Variants in SYT16 observed in about 807,000 individuals in gnomAD.
The protein encoded by SYT16 is synaptotagmin-16.
SYT16 carries 42 observed loss-of-function variants against 61.4 expected under a neutral mutation model. That is an observed-to-expected ratio of 0.68 (90% CI 0.53 to 0.89). The LOEUF (loss-of-function observed/expected upper bound fraction) is 0.89. Ranked by LOEUF, SYT16 falls within the 40% of genes least tolerant of loss-of-function variation. The pLI is 0.00. For synonymous variants in SYT16, 314 were observed against 302.3 expected (o/e 1.04, Z -0.40); for missense variants, 804 against 807.3 (o/e 1.00, Z 0.05).
chr14:62,100,749 C>A lies in SYT16; in HGVS notation c.*42C>A. The A allele has an allele frequency of 1.3e-6, 2 of 1,576,434 alleles. No individual in the cohort carries two copies. Among genetic ancestry groups the A allele is most frequent in the Non-Finnish European group, 1.7e-6 (2 of 1,161,556 alleles). On this transcript the variant is annotated 3_prime_UTR_variant, in exon 8 of 8. Coordinates refer to ENST00000683842, the MANE Select transcript of SYT16 (RefSeq NM_001367656.1). ...TTGTGTGCTGTGTCCACCTTGGTTA[C>A]CTGTGTTGCTGTCTACTGACACTAA...
chr14:61,868,032 CTTTTAGGTTGGG>C (rs1230460860), intron 1 of SYT16, among the ~76,000 whole-genome samples: 1 of 151,914 alleles, frequency 6.6e-6, no homozygotes, highest in African/African-American at 2.4e-5. Flanking sequence ...TGTATTACCT[CTTTTAGGTTGGG>C]TTTCTTTGGA....
chr14:62,075,093 A>T, intron 4 of SYT16, 42 bp from the exon 5 acceptor site: 1 of 1,554,306 alleles, frequency 6.4e-7, no homozygotes, highest in South Asian at 1.2e-5. Context: ...AAAAGGTGTT[A>T]AAAATAATGC....
intron 1 of SYT16, among the ~76,000 whole-genome samples, chr14:61,932,117 G>A (rs2049796124): frequency 6.6e-6 from 1 of 152,178 alleles, no homozygotes; most frequent in African/African-American, 2.4e-5. Flanking sequence ...ACTGGGCACT[G>A]TGGCCACCAG....
intron 3 of SYT16, among the ~76,000 whole-genome samples, chr14:62,061,690 G>C (rs1196802630): frequency 6.6e-6 from 1 of 152,110 alleles, no homozygotes; most frequent in Admixed American, 6.5e-5. Flanking sequence ...AATTCATCAA[G>C]AAGACACAAA....
chr14:61,902,354 G>C (rs761773887), intron 1 of SYT16, among the ~76,000 whole-genome samples: 2 of 152,174 alleles, frequency 1.3e-5, no homozygotes, highest in Non-Finnish European at 2.9e-5. Flanking sequence ...TAAAAGTCCT[G>C]ATTATATTCC....
chr14:61,951,178 C>G (rs891965203), intron 1 of SYT16, among the ~76,000 whole-genome samples: 3 of 152,164 alleles, frequency 2.0e-5, no homozygotes, highest in Non-Finnish European at 4.4e-5. Context: ...GAACTTATAT[C>G]TGTGGACAGG....
chr14:62,035,859 G>T (rs2054486226), intron 3 of SYT16, among the ~76,000 whole-genome samples: 1 of 152,160 alleles, frequency 6.6e-6, no homozygotes, highest in South Asian at 2.1e-4. Flanking sequence ...TTCCATGTTA[G>T]ATGCTCTTAG....
rs141697529 is a variant in SYT16, at chr14:62,099,951, T to G, written c.1625-443T>G. Among the ~76,000 whole-genome samples, 21 of 152,224 alleles carry G rather than the reference T, an allele frequency of 1.4e-4. 1 individual carries two copies. The South Asian group carries it at 4.4e-3, about 32-fold the overall frequency. ...ACACACATACACAGACATATGAATA[T>G]GTAGAGAGTGAGAAAAGAATTCTCC... is the stretch of plus-strand genomic sequence containing the variant. On this transcript the variant is annotated intron_variant, in intron 7 of 7. Coordinates refer to ENST00000683842, the MANE Select transcript of SYT16 (RefSeq NM_001367656.1).
At chr14:62,009,397 A>G (rs1056201713) in intron 3 of SYT16, among the ~76,000 whole-genome samples, 2 of 152,322 alleles carry the variant, frequency 1.3e-5, no homozygotes, top group African/African-American at 4.8e-5. Context: ...AACCAAGTTT[A>G]CAAGAGGAAA....
intron 3 of SYT16, among the ~76,000 whole-genome samples, chr14:62,048,190 C>T (rs543786001): frequency 3.3e-5 from 5 of 152,266 alleles, no homozygotes; most frequent in African/African-American, 7.2e-5. Flanking sequence ...CAACTTCTTC[C>T]TGGTTTAGTC....
chr14:61,838,836 T>C (rs2046213032), intron 1 of SYT16, among the ~76,000 whole-genome samples: 1 of 152,184 alleles, frequency 6.6e-6, no homozygotes, highest in African/African-American at 2.4e-5. Context: ...TACAAATTAA[T>C]ATCTCGATGA....
rs201508616 is a variant in SYT16, at chr14:61,996,036, C to T, written c.17C>T (p.Ala6Val). MVLAM[A>V]SQDVQNFFQP... ...TAGCTGGCCATGGTGTTGGCCATGG[C>T]GTCTCAGGATGTTCAGAACTTCTTC... is the stretch of plus-strand genomic sequence containing the variant. Residue 6 changes from alanine to valine, a missense_variant, in exon 3 of 8, where the codon GCG (alanine) becomes GTG (valine). Transcript: ENST00000683842. 24 of 1,595,222 alleles carry T rather than the reference C, an allele frequency of 1.5e-5. No homozygotes were observed. The highest frequency in any genetic ancestry group is 9.0e-5 in the East Asian group (4 of 44,582).
chr14:61,838,734 A>G (rs1416215767), intron 1 of SYT16, among the ~76,000 whole-genome samples: 1 of 152,222 alleles, frequency 6.6e-6, no homozygotes, highest in Non-Finnish European at 1.5e-5. Context: ...GACTCTTGCT[A>G]AGGACTCAAA....
intron 2 of SYT16, among the ~76,000 whole-genome samples, chr14:61,975,184 T>G (rs1379299512): frequency 6.6e-6 from 1 of 152,208 alleles, no homozygotes; most frequent in African/African-American, 2.4e-5. Flanking sequence ...GTTGAACCAT[T>G]GTAAGTTGAG....
chr14:61,866,302 A>G (rs1248317165), intron 1 of SYT16, among the ~76,000 whole-genome samples: 2 of 152,176 alleles, frequency 1.3e-5, no homozygotes, highest in Non-Finnish European at 2.9e-5. Flanking sequence ...ATTGCCAAAA[A>G]AGGAAGAGGA....
At chr14:61,894,010 A>G (rs1009758251) in intron 1 of SYT16, among the ~76,000 whole-genome samples, 1 of 152,204 alleles carries the variant, frequency 6.6e-6, no homozygotes, top group African/African-American at 2.4e-5. Context: ...CCTGGCTGGC[A>G]TGGTGGCTCA....
intron 3 of SYT16, among the ~76,000 whole-genome samples, chr14:62,064,676 G>A (rs1267626979): frequency 6.6e-6 from 1 of 152,160 alleles, no homozygotes; most frequent in Non-Finnish European, 1.5e-5. Flanking sequence ...GAGCAAGACA[G>A]CTTGGGTTTG....
intron 7 of SYT16, among the ~76,000 whole-genome samples, chr14:62,098,501 C>T (rs1214994583): frequency 6.6e-6 from 1 of 152,168 alleles, no homozygotes; most frequent in African/African-American, 2.4e-5. Context: ...TGCTTTCTTT[C>T]CTTTCTATAT....
chr14:62,090,660 C>G (rs1020248549), intron 7 of SYT16, among the ~76,000 whole-genome samples: 11 of 152,126 alleles, frequency 7.2e-5, no homozygotes, highest in Admixed American at 3.9e-4. Context: ...TCTACATCAA[C>G]TCTAATTCTC....
Sources: allele counts gnomAD v4.1 joint callset (sites outside exome capture counted in the v4.1 genomes callset), GRCh38; gene constraint gnomAD v4.1.1; transcripts MANE v1.5; gene names NCBI Gene and HGNC (gene_info 2026-07-23, HGNC 2026-07-21).